The following ANKRD28 variants were observed in gnomAD, a reference collection of about 807,000 sequenced individuals.
ANKRD28 encodes serine/threonine-protein phosphatase 6 regulatory ankyrin repeat subunit A.
In ANKRD28, 44 loss-of-function variants were observed where a neutral mutation model predicts 126.5. The ratio of observed to expected loss-of-function variants is 0.35; its 90% CI spans 0.27 to 0.45. ANKRD28 has a LOEUF of 0.45. ANKRD28 is among the 20% of genes least tolerant of loss of function. ANKRD28 has a pLI of 1.00. For synonymous variants in ANKRD28, 442 were observed against 468.5 expected (o/e 0.94, Z 0.73); for missense variants, 1,110 against 1,316.6 (o/e 0.84, Z 2.43).
chr3:15,832,947 A>G (rs2061237383), intron 1 of ANKRD28, among the ~76,000 whole-genome samples: 1 of 152,226 alleles, frequency 6.6e-6, no homozygotes, highest in South Asian at 2.1e-4. Flanking sequence ...TATTCACAGT[A>G]GTGGGACTGC....
In ANKRD28 at chr3:15,765,516, G is replaced by A. The variant is rs75443232; in HGVS notation, c.280+718C>T. ...CTGCAACCATCTCCTATAATTCTGT[G>A]CTCAATGAGGCCTACTATAACTGTT... On this transcript the variant is annotated intron_variant, in intron 3 of 27. Coordinates refer to ENST00000683139, the MANE Select transcript of ANKRD28 (RefSeq NM_001349278.2). 1.7e-3 allele frequency among the ~76,000 whole-genome samples: 252 copies of A among 152,056 alleles called. 5 individuals are homozygous for A. In the East Asian group the frequency reaches 0.032, roughly 20 times the overall value.
intron 1 of ANKRD28, among the ~76,000 whole-genome samples, chr3:15,855,067 A>C: frequency 6.6e-6 from 1 of 152,118 alleles, no homozygotes; most frequent in East Asian, 1.9e-4. Context: ...AAACAAAAAC[A>C]AAAACAAAAC....
intron 3 of ANKRD28, among the ~76,000 whole-genome samples, chr3:15,766,022 G>C (rs2058720165): frequency 1.3e-5 from 2 of 151,858 alleles, no homozygotes; most frequent in Admixed American, 6.6e-5. Flanking sequence ...GCTACAAGAG[G>C]GCAGCAATCT....
chr3:15,819,591 T>C (rs910452598), intron 1 of ANKRD28, among the ~76,000 whole-genome samples: 4 of 152,318 alleles, frequency 2.6e-5, no homozygotes, highest in East Asian at 1.9e-4. Context: ...TTGATGTGAA[T>C]AGAGATGGAA....
chr3:15,696,757 C>G (rs923215349), intron 14 of ANKRD28, among the ~76,000 whole-genome samples: 5 of 152,046 alleles, frequency 3.3e-5, no homozygotes, highest in African/African-American at 1.2e-4. Flanking sequence ...GGTATATAAA[C>G]AGAGTAAAGT....
chr3:15,808,993 C>CT lies in ANKRD28; in HGVS notation c.28-13688dup, dbSNP rs893451741. 2.3e-3 allele frequency among the ~76,000 whole-genome samples: 338 copies of CT among 149,236 alleles called. 2 individuals carry two copies. Among genetic ancestry groups the CT allele is most frequent in the Middle Eastern group, 0.01 (3 of 290 alleles). ...TGGTTTTTCTTCTACACACACCCCC[C>CT]TTTTTTTTTTCTAGCTCCTTTTAAT... On this transcript the variant is annotated intron_variant, in intron 1 of 27. Coordinates refer to the ANKRD28 transcript ENST00000399451.
chr3:15,695,987 G>GC, intron 15 of ANKRD28, 147 bp downstream of exon 15: 1 of 633,200 alleles, frequency 1.6e-6, no homozygotes, highest in Non-Finnish European at 2.8e-6. Context: ...TCTTACTAAA[G>GC]CAAGTGTGAA....
At chr3:15,742,470 C>T (rs536204839) in intron 4 of ANKRD28, among the ~76,000 whole-genome samples, 5,190 of 141,754 alleles carry the variant, frequency 0.037, 318 homozygotes, top group African/African-American at 0.13. Flanking sequence ...CCAGCCGCCC[C>T]GTCTGAGAAG....
In ANKRD28 at chr3:15,833,525, A is replaced by AT. The variant is rs2061252033; in HGVS notation, c.27+25851_27+25852insA. Among the ~76,000 whole-genome samples, 2 of 148,452 alleles carry AT rather than the reference A, an allele frequency of 1.3e-5. No homozygotes were observed. The highest frequency in any genetic ancestry group is 4.9e-5 in the African/African-American group (2 of 40,784). ...TACATATTATGTACTATATATATAT[A>AT]AAATATATACATTATTTTTTATATA... On this transcript the variant is annotated intron_variant, in intron 1 of 27. Coordinates refer to the ANKRD28 transcript ENST00000399451. The surrounding 1 kb of genome is among the most constrained non-coding windows in gnomAD (Gnocchi z 4.4).
chr3:15,685,406 GAAGT>G lies in ANKRD28; in HGVS notation c.2205_2208del (p.Leu735PhefsTer67). The G allele has an allele frequency of 6.2e-7, 1 of 1,613,966 alleles. No individual in the cohort carries two copies. The highest frequency in any genetic ancestry group is 8.5e-7 in the Non-Finnish European group (1 of 1,179,872). ...CGAAGTAAGCACTTAGCACCATGTTGAAGTAATGCATCTACACATTCTTCATGGC... is the reference window on the plus strand; with the variant it reads ...CGAAGTAAGCACTTAGCACCATGTTGAATGCATCTACACATTCTTCATGGC... On this transcript the variant is annotated frameshift_variant, in exon 21 of 28. Transcript: ENST00000683139. LOFTEE classifies it high-confidence loss of function.
chr3:15,712,289 T>C (rs1559386080), intron 10 of ANKRD28, 67 bp from the exon 11 acceptor site: 3 of 1,245,842 alleles, frequency 2.4e-6, no homozygotes, highest in East Asian at 2.5e-5. Flanking sequence ...GTTAAATACA[T>C]TACAAAGAGA....
chr3:15,727,263 T>TC (rs2074237892), intron 6 of ANKRD28, among the ~76,000 whole-genome samples: 1 of 152,116 alleles, frequency 6.6e-6, no homozygotes, highest in African/African-American at 2.4e-5. Context: ...TGGAAAGGAT[T>TC]CATCATTCTA....
intron 4 of ANKRD28, among the ~76,000 whole-genome samples, chr3:15,745,150 A>G (rs1271276199): frequency 1.3e-5 from 2 of 152,098 alleles, no homozygotes; most frequent in Admixed American, 6.5e-5. Flanking sequence ...TGTTAGGTGT[A>G]TAGATTGCAA....
intron 1 of ANKRD28, among the ~76,000 whole-genome samples, chr3:15,836,397 A>G (rs2061326840): frequency 6.6e-6 from 1 of 152,132 alleles, no homozygotes; most frequent in African/African-American, 2.4e-5. Flanking sequence ...AAAAATAGAA[A>G]ATAGAAAAGG....
intron 17 of ANKRD28, among the ~76,000 whole-genome samples, chr3:15,690,736 T>TC (rs1251127891): frequency 6.6e-6 from 1 of 152,104 alleles, no homozygotes; most frequent in Non-Finnish European, 1.5e-5. Context: ...AGCTAATTTT[T>TC]CTTTTAATTT....
At chr3:15,770,413 C>CATATATATAT (rs56802776) in intron 2 of ANKRD28, among the ~76,000 whole-genome samples, 1 of 147,092 alleles carries the variant, frequency 6.8e-6, no homozygotes, top group Non-Finnish European at 1.5e-5. Flanking sequence ...CATATATATA[C>CATATATATAT]ATATATATAT....
intron 2 of ANKRD28, among the ~76,000 whole-genome samples, chr3:15,772,300 A>G (rs969641217): frequency 2.6e-5 from 4 of 152,214 alleles, no homozygotes; most frequent in Non-Finnish European, 5.9e-5. Context: ...TCTTCAAGTC[A>G]GAATGATCAA....
At chr3:15,818,612 A>G (rs950943847) in intron 1 of ANKRD28, among the ~76,000 whole-genome samples, 3 of 152,226 alleles carry the variant, frequency 2.0e-5, no homozygotes, top group African/African-American at 7.2e-5. Context: ...GAGATTAGTA[A>G]CAACTAATAA....
chr3:15,718,955 C>T (rs2455839), intron 8 of ANKRD28, among the ~76,000 whole-genome samples: 102,014 of 152,060 alleles, frequency 0.67, 34,688 homozygotes, highest in East Asian at 0.91. Context: ...TTTCTGGGCC[C>T]TGATTATCCA....
Sources: allele counts gnomAD v4.1 joint callset (sites outside exome capture counted in the v4.1 genomes callset), GRCh38; gene constraint gnomAD v4.1.1; non-coding constraint Gnocchi (gnomAD v3.1); transcripts MANE v1.5; gene names NCBI Gene and HGNC (gene_info 2026-07-23, HGNC 2026-07-21).